DEAF1: variants seen among roughly 807,000 people sequenced by gnomAD.
DEAF1 encodes DEAF1 transcription factor.
DEAF1 carries 53 observed loss-of-function variants against 58.9 expected under a neutral mutation model. That is an observed-to-expected ratio of 0.90 (90% CI 0.72 to 1.13). The LOEUF (loss-of-function observed/expected upper bound fraction) is 1.13, where lower values mean the gene tolerates loss of function less well. Among genes scored for constraint, DEAF1 ranks in the 50% most tolerant of loss-of-function variants. The pLI, the probability that DEAF1 is intolerant of heterozygous loss-of-function variation, is 0.00. For synonymous variants in DEAF1, 385 were observed against 340.4 expected, an observed-to-expected ratio of 1.13 and a Z score of -1.44; for missense variants, 685 against 791.4, an observed-to-expected ratio of 0.87 and a Z score of 1.61.
At chr11:645,139 G>T (rs1201668835) in intron 11 of DEAF1, among the ~76,000 whole-genome samples, 1 of 148,280 alleles carries the variant, frequency 6.7e-6, no homozygotes, top group Non-Finnish European at 1.5e-5. Flanking sequence ...CTCCAGCCCG[G>T]GTGACAGAAC....
intron 9 of DEAF1, among the ~76,000 whole-genome samples, chr11:677,792 A>C (rs1256768204): frequency 2.0e-5 from 3 of 147,078 alleles, no homozygotes; most frequent in African/African-American, 7.4e-5. Context: ...ATCTCTACTA[A>C]AAATACAATA....
chr11:691,462 C>T, intron 2 of DEAF1, 39 bp downstream of exon 2: 1 of 1,595,812 alleles, frequency 6.3e-7, no homozygotes, highest in Non-Finnish European at 8.5e-7. Flanking sequence ...CCCAGCGTGG[C>T]ACCACCCGCC....
At chr11:654,584 A>C (rs1376001530) in intron 10 of DEAF1, 1 of 455,302 alleles carries the variant, frequency 2.2e-6, no homozygotes, top group East Asian at 7.0e-5. Flanking sequence ...TCACTGGAAG[A>C]CCAGTATGGG....
intron 10 of DEAF1, among the ~76,000 whole-genome samples, chr11:656,619 G>A (rs1859067230): frequency 6.6e-6 from 1 of 152,238 alleles, no homozygotes; most frequent in Admixed American, 6.5e-5. Context: ...GGGGTGGGAG[G>A]CTGGCGGGAG....
At chr11:698,625 G>A (rs1349201411), upstream of DEAF1, among the ~76,000 whole-genome samples, 1 of 152,112 alleles carries the variant, frequency 6.6e-6, no homozygotes, top group African/African-American at 2.4e-5. Flanking sequence ...CCACCCCGGT[G>A]CCCCCGGTAC....
rs755103579 is a variant in DEAF1, at chr11:694,918, T to C, written c.130A>G (p.Arg44Gly). 7.1e-6 allele frequency: 10 copies of C among 1,408,920 alleles called. No individual in the cohort carries two copies. In the Admixed American group the frequency reaches 2.0e-4, roughly 28 times the overall value. 87.3% of individuals were successfully genotyped at this position (1,408,920 alleles called of 1,614,324 possible). The change falls in exon 1 of 12, where the codon AGG (arginine) becomes GGG (glycine). Residue 44 changes from arginine to glycine, a missense_variant. Transcript: ENST00000382409. ...GGEAEEPVLS[R>G]DEDSEEDADS... is the part of the protein sequence containing the mutation. ...GCGTCCTCCTCCGAGTCCTCGTCCC[T>C]GCTCAGCACCGGCTCCTCCGCCTCG...
chr11:700,708 G>A (rs751842672), intron 1 of DEAF1: 1 of 1,613,354 alleles, frequency 6.2e-7, no homozygotes, highest in South Asian at 1.1e-5. Context: ...TTATACCTGG[G>A]TGAGTGGACT....
chr11:654,320 C>T (rs760031416), intron 10 of DEAF1, among the ~76,000 whole-genome samples: 1 of 151,084 alleles, frequency 6.6e-6, no homozygotes, highest in Non-Finnish European at 1.5e-5. Flanking sequence ...GTGCCTGACA[C>T]CACGCCCAGC....
intron 1 of DEAF1, among the ~76,000 whole-genome samples, chr11:705,684 G>A (rs929623499): frequency 1.3e-5 from 2 of 152,176 alleles, no homozygotes; most frequent in East Asian, 1.9e-4. Context: ...CTGGGCCTGC[G>A]GTGGGCCCGG....
rs1426915379 is a variant in DEAF1, at chr11:647,637, AAG to A, written c.1594-2985_1594-2984del. On this transcript the variant is annotated intron_variant, in intron 11 of 11. Coordinates refer to ENST00000382409, the MANE Select transcript of DEAF1 (RefSeq NM_021008.4). ...TTTAAAATGCTCAGCCCTCAGCCCA[AAG>A]AGAGAGGGGGACAAGCCAGGAGGGC... Among the ~76,000 whole-genome samples the A allele has an allele frequency of 5.3e-5, 8 of 152,210 alleles. No individual in the cohort carries two copies. The East Asian group carries it at 5.8e-4, about 11-fold the overall frequency.
At chr11:677,390 A>C (rs1860131869) in intron 9 of DEAF1, among the ~76,000 whole-genome samples, 3 of 88,194 alleles carry the variant, frequency 3.4e-5, no homozygotes. Flanking sequence ...TCTACACTCC[A>C]GCCTGGGCAA....
intron 1 of DEAF1, chr11:704,846 CTGT>C: frequency 2.7e-6 from 1 of 369,898 alleles, no homozygotes; most frequent in Non-Finnish European, 5.2e-6. Flanking sequence ...CACCCCCCAG[CTGT>C]CCTCTCCAGC....
At position 679,543 on chromosome 11, in the gene DEAF1, C is replaced by G. The variant is rs1590004805; in HGVS notation, c.1126+145G>C. 7.7e-6 allele frequency: 10 copies of G among 1,294,038 alleles called. No individual in the cohort carries two copies. The East Asian group carries it at 2.1e-4, about 27-fold the overall frequency. The allele number at this position is 1,294,038 out of a possible 1,614,324, so 80.2% of individuals were successfully genotyped here. On this transcript the variant is annotated intron_variant, in intron 8 of 11. Transcript: ENST00000382409. ...TGCACCGCCCACCTGACGTGGCTCACACGCTGTCCCCACCAACAAACGCCT... is the reference window on the plus strand; with the variant it reads ...TGCACCGCCCACCTGACGTGGCTCAGACGCTGTCCCCACCAACAAACGCCT...
intron 6 of DEAF1, among the ~76,000 whole-genome samples, chr11:683,976 G>A (rs1029048153): frequency 1.3e-5 from 2 of 152,166 alleles, no homozygotes; most frequent in African/African-American, 2.4e-5. Flanking sequence ...GAGTCTCACC[G>A]ACTGGCTTTT....
At chr11:690,954 G>GC (rs1860806944) in intron 2 of DEAF1, among the ~76,000 whole-genome samples, 1 of 152,188 alleles carries the variant, frequency 6.6e-6, no homozygotes, top group Non-Finnish European at 1.5e-5. Context: ...ATCGCCGAAG[G>GC]CCCCACACAT....
At chr11:699,090 G>A (rs565135311), upstream of DEAF1, 27 of 626,510 alleles carry the variant, frequency 4.3e-5, no homozygotes, top group South Asian at 5.4e-4. Context: ...TACCTGCTCA[G>A]CCCTGCACAA....
At chr11:690,841 T>G (rs1193637619) in intron 2 of DEAF1, among the ~76,000 whole-genome samples, 1 of 152,210 alleles carries the variant, frequency 6.6e-6, no homozygotes, top group Non-Finnish European at 1.5e-5. Context: ...AAGTAACAGG[T>G]GCCAATGGTC....
intron 10 of DEAF1, among the ~76,000 whole-genome samples, chr11:669,695 T>G (rs1168711714): frequency 1.3e-5 from 2 of 149,682 alleles, no homozygotes; most frequent in African/African-American, 4.9e-5. Context: ...TTTGGGAGGC[T>G]GAGGCAGGAG....
chr11:694,866 G>T lies in DEAF1; in HGVS notation c.182C>A (p.Pro61Gln). 2.0e-6 allele frequency: 3 copies of T among 1,500,856 alleles called. No individual in the cohort carries two copies. The highest frequency in any genetic ancestry group is 2.7e-6 in the Non-Finnish European group (3 of 1,130,132). The allele number at this position is 1,500,856 out of a possible 1,614,324, so 93.0% of individuals were successfully genotyped here. Residue 61 changes from proline to glutamine, a missense_variant, in exon 1 of 12, where the codon CCG becomes CAG. Physicochemically the swap from Pro to Gln is moderately conservative, Grantham distance 76. Around this residue, in one of 3 missense-constraint regions of DEAF1, gnomAD observed 210 missense variants for 177.3 expected, o/e 1.18. Coordinates refer to ENST00000382409, the MANE Select transcript of DEAF1 (RefSeq NM_021008.4). ...DADSEAERET[P>Q]RVTAVAVMAA... Reference sequence around the variant, plus strand: ...CATCACCGCCACTGCCGTGACCCGCGGCGTCTCCCGCTCCGCCTCCGAGTC... The same window carrying T: ...CATCACCGCCACTGCCGTGACCCGCTGCGTCTCCCGCTCCGCCTCCGAGTC...
Sources: allele counts gnomAD v4.1 joint callset (sites outside exome capture counted in the v4.1 genomes callset), GRCh38; gene constraint gnomAD v4.1.1; regional missense constraint gnomAD v4.1.1; transcripts MANE v1.5; gene names NCBI Gene and HGNC (gene_info 2026-07-23, HGNC 2026-07-21).